CTCF: variants seen among roughly 807,000 people sequenced by gnomAD.
CTCF encodes transcriptional repressor CTCF.
In CTCF, 7 loss-of-function variants were observed where a neutral mutation model predicts 72.3. The ratio of observed to expected loss-of-function variants is 0.10; its 90% CI spans 0.06 to 0.18. The LOEUF (loss-of-function observed/expected upper bound fraction) is 0.18, where lower values mean the gene tolerates loss of function less well. Among genes scored for constraint, CTCF ranks in the 10% least tolerant of loss-of-function variants. The pLI is 1.00. For missense variants in CTCF, 516 were observed against 949.1 expected (o/e 0.54, Z 6.00); for synonymous variants, 374 against 315.8 (o/e 1.18, Z -1.95).
At chr16:67,567,616 T>C (rs1471040630) in intron 1 of CTCF, among the ~76,000 whole-genome samples, 1 of 152,018 alleles carries the variant, frequency 6.6e-6, no homozygotes, top group African/African-American at 2.4e-5. Context: ...GGCAGTGGCA[T>C]GATCATAGCT....
At chr16:67,569,160 A>C (rs1015151732) in intron 1 of CTCF, among the ~76,000 whole-genome samples, 1 of 146,614 alleles carries the variant, frequency 6.8e-6, no homozygotes, top group East Asian at 2.1e-4. Context: ...ACTTAGTTCA[A>C]ATTTAGCTCT....
chr16:67,631,155 T>TTTG (rs1292876695), intron 10 of CTCF, among the ~76,000 whole-genome samples: 8 of 123,202 alleles, frequency 6.5e-5, no homozygotes, highest in African/African-American at 3.1e-4. Context: ...TCTTTGTTTG[T>TTTG]TTTTTTTTTG....
intron 2 of CTCF, among the ~76,000 whole-genome samples, chr16:67,584,497 T>C (rs1020915354): frequency 5.3e-5 from 8 of 151,700 alleles, no homozygotes; most frequent in Admixed American, 2.0e-4. Flanking sequence ...TGGTGGAATT[T>C]TTGTACTTTT....
chr16:67,626,568 A>G lies in CTCF; in HGVS notation c.1371A>G (p.Arg457=). Residue 457 remains arginine (R), a synonymous_variant, in exon 8 of 12, where the codon CGA becomes CGG. Coordinates refer to ENST00000264010, the MANE Select transcript of CTCF (RefSeq NM_006565.4). ...CTGTGCTTTCAGGTGTCCACTTGCGAAAGCAGCATTCCTATATTGAGCAAG... is the reference window on the plus strand; with the variant it reads ...CTGTGCTTTCAGGTGTCCACTTGCGGAAGCAGCATTCCTATATTGAGCAAG... ...ARKSDLGVHL[R]KQHSYIEQGK... is the part of the protein sequence containing the mutation. 1 of 1,499,494 alleles carries G rather than the reference A, an allele frequency of 6.7e-7. No homozygotes were observed. Among genetic ancestry groups the G allele is most frequent in the Non-Finnish European group, 8.9e-7 (1 of 1,117,858 alleles). The allele number at this position is 1,499,494 out of a possible 1,614,324, so 92.9% of individuals were successfully genotyped here.
chr16:67,632,825 A>T (rs1464044403), intron 10 of CTCF, among the ~76,000 whole-genome samples: 3 of 152,238 alleles, frequency 2.0e-5, no homozygotes, highest in Non-Finnish European at 2.9e-5. Context: ...GAAATAAGGC[A>T]TTTTATCTGG....
rs191038957 is a variant in CTCF, at chr16:67,604,191, C to G, written c.-9-6633C>G. On this transcript the variant is annotated intron_variant, in intron 2 of 11. Coordinates refer to ENST00000264010, the MANE Select transcript of CTCF (RefSeq NM_006565.4). ...TGAGCATGGTGGCATAAACTGTAGT[C>G]CTAGCTACTTGGCAGACTGAGGCAG... 1.4e-3 allele frequency among the ~76,000 whole-genome samples: 217 copies of G among 151,584 alleles called. 2 individuals are homozygous for G. Among genetic ancestry groups the G allele is most frequent in the Middle Eastern group, 0.01 (3 of 294 alleles).
chr16:67,566,645 C>T (rs578260747), intron 1 of CTCF, among the ~76,000 whole-genome samples: 4 of 151,124 alleles, frequency 2.6e-5, no homozygotes, highest in South Asian at 4.2e-4. Flanking sequence ...GGCACGATCT[C>T]GGCTCACTGC....
chr16:67,637,294 G>T (rs2052443566), intron 11 of CTCF, among the ~76,000 whole-genome samples: 1 of 152,192 alleles, frequency 6.6e-6, no homozygotes, highest in Admixed American at 6.5e-5. Flanking sequence ...CACTTTGGGG[G>T]GCCAAGGCGG....
intron 2 of CTCF, among the ~76,000 whole-genome samples, chr16:67,596,197 C>A (rs939403957): frequency 1.3e-5 from 2 of 152,136 alleles, no homozygotes; most frequent in African/African-American, 4.8e-5. Context: ...CGTGATCTGC[C>A]CGCCTTGGCC....
chr16:67,568,373 C>G (rs766152681), intron 1 of CTCF: 1 of 150,930 alleles, frequency 6.6e-6, no homozygotes, highest in African/African-American at 2.4e-5. Flanking sequence ...AGCCACCATG[C>G]CTGGCCTTTT....
At chr16:67,594,518 T>C (rs2051786530) in intron 2 of CTCF, among the ~76,000 whole-genome samples, 1 of 151,910 alleles carries the variant, frequency 6.6e-6, no homozygotes, top group African/African-American at 2.4e-5. Flanking sequence ...CTGGGCAACA[T>C]AATGAAACTT....
chr16:67,596,332 A>G lies in CTCF; in HGVS notation c.-9-14492A>G, dbSNP rs2051814443. On this transcript the variant is annotated intron_variant, in intron 2 of 11. Coordinates refer to ENST00000264010, the MANE Select transcript of CTCF (RefSeq NM_006565.4). Reference sequence around the variant, plus strand: ...ATTATTTTAGTTTAGCATTTCTTTTACTATTAATGAGGTTTGGTTTTTTTC... The same window carrying G: ...ATTATTTTAGTTTAGCATTTCTTTTGCTATTAATGAGGTTTGGTTTTTTTC... Among the ~76,000 whole-genome samples the G allele has an allele frequency of 2.6e-5, 4 of 152,202 alleles. No homozygotes were observed. The South Asian group carries it at 8.3e-4, about 32-fold the overall frequency.
rs1375846646 is a variant in CTCF, at chr16:67,629,523, C to T, written c.1827C>T (p.Ser609=). 10 of 1,612,634 alleles carry T rather than the reference C, an allele frequency of 6.2e-6. No homozygotes were observed. The highest frequency in any genetic ancestry group is 8.5e-6 in the Non-Finnish European group (10 of 1,179,666). Residue 609 remains serine, a synonymous_variant, in exon 10 of 12, where the codon TCC becomes TCT. Transcript: ENST00000264010. ...AGATGCGCTCTAAGAAAGAAGATTCCTCTGACAGTGGTAAGTGACTTGTTC... is the reference window on the plus strand; with the variant it reads ...AGATGCGCTCTAAGAAAGAAGATTCTTCTGACAGTGGTAAGTGACTTGTTC... ...KRKMRSKKED[S]SDSENAEPDL...
rs1234243774 is a variant in CTCF at position 67,638,020 on chromosome 16, T to C, written c.*148T>C. Reference sequence around the variant, plus strand: ...AGAACGAAAACTTCAAGGATGATGTTAGAAAAAAATGTGATTTAACTAGAA... The same window carrying C: ...AGAACGAAAACTTCAAGGATGATGTCAGAAAAAAATGTGATTTAACTAGAA... On this transcript the variant is annotated 3_prime_UTR_variant, in exon 12 of 12. Transcript: ENST00000264010. The C allele has an allele frequency of 4.4e-6, 3 of 684,100 alleles. No homozygotes were observed. Among genetic ancestry groups the C allele is most frequent in the Non-Finnish European group, 4.7e-6 (2 of 424,228 alleles). 42.4% of individuals were successfully genotyped at this position (684,100 alleles called of 1,614,324 possible).
At chr16:67,619,183 C>A (rs947459999) in intron 5 of CTCF, among the ~76,000 whole-genome samples, 6 of 152,190 alleles carry the variant, frequency 3.9e-5, no homozygotes, top group African/African-American at 1.4e-4. Context: ...CGCCTGTAAT[C>A]CCAGCACTTT....
At chr16:67,612,487 G>T (rs2052073880) in intron 4 of CTCF, 3 of 163,228 alleles carry the variant, frequency 1.8e-5, no homozygotes. Context: ...CTACTCGGGA[G>T]GCTGAGGCAG....
intron 5 of CTCF, among the ~76,000 whole-genome samples, chr16:67,619,673 T>G (rs979381588): frequency 6.6e-6 from 1 of 152,172 alleles, no homozygotes; most frequent in South Asian, 2.1e-4. Context: ...CTTAAACTCC[T>G]GAGCTCAGGT....
intron 2 of CTCF, among the ~76,000 whole-genome samples, chr16:67,580,318 T>G (rs2051561872): frequency 6.6e-6 from 1 of 152,142 alleles, no homozygotes; most frequent in Non-Finnish European, 1.5e-5. Context: ...TAAGTGATCA[T>G]CTGGCCTCAA....
chr16:67,610,354 T>C (rs1375749247), intron 2 of CTCF, among the ~76,000 whole-genome samples: 2 of 146,136 alleles, frequency 1.4e-5, no homozygotes, highest in African/African-American at 5.0e-5. Context: ...CTTTTTCTTT[T>C]TTTTTTTTTT....
Sources: gnomAD v4.1 joint callset for allele counts (sites outside exome capture counted in the v4.1 genomes callset) on GRCh38, gnomAD v4.1.1 for gene constraint, MANE v1.5 for transcripts, NCBI Gene and HGNC (gene_info 2026-07-23, HGNC 2026-07-21) for gene names.